PAX2: variants seen among roughly 807,000 people sequenced by gnomAD.
PAX2 encodes paired box 2, also known as paired box protein Pax-2.
In PAX2, 9 loss-of-function variants were observed where a neutral mutation model predicts 41.7. That is an observed-to-expected ratio of 0.22 (90% CI 0.13 to 0.38). The LOEUF (loss-of-function observed/expected upper bound fraction) is 0.38, where lower values mean the gene tolerates loss of function less well. Among genes scored for constraint, PAX2 ranks in the 10% least tolerant of loss-of-function variants. The pLI is 1.00. For synonymous variants in PAX2, 221 were observed against 212.7 expected (o/e 1.04, Z -0.34); for missense variants, 418 against 531.6 (o/e 0.79, Z 2.10).
At chr10:100,779,406 C>T in intron 3 of PAX2, 92 bp from the exon 4 acceptor site, 3 of 1,069,490 alleles carry the variant, frequency 2.8e-6, no homozygotes, top group Non-Finnish European at 2.8e-6. Flanking sequence ...CGCTGAGGAA[C>T]TTGGGAGAGA....
At position 100,749,741 on chromosome 10, in the gene PAX2, C is replaced by T; in HGVS notation, c.44-5C>T. ...GTGTTGTGTTTTTTTCTTGTCTCTC[C>T]CCAGCAGGGCACGGGGGTGTGAACC... is the stretch of plus-strand genomic sequence containing the variant. On this transcript the variant is annotated splice_region_variant and splice_polypyrimidine_tract_variant and intron_variant, in intron 1 of 9. Coordinates refer to ENST00000355243, the MANE Select transcript of PAX2 (RefSeq NM_000278.5). The T allele has an allele frequency of 6.2e-7, 1 of 1,608,466 alleles. No individual in the cohort carries two copies. The highest frequency in any genetic ancestry group is 8.5e-7 in the Non-Finnish European group (1 of 1,176,318).
At chr10:100,796,117 T>C (rs1488242621) in intron 5 of PAX2, among the ~76,000 whole-genome samples, 1 of 152,216 alleles carries the variant, frequency 6.6e-6, no homozygotes, top group Non-Finnish European at 1.5e-5. Context: ...GGAAAAAAAG[T>C]GACTTCTATG....
chr10:100,755,424 G>A (rs747159770), intron 3 of PAX2, among the ~76,000 whole-genome samples: 26 of 152,168 alleles, frequency 1.7e-4, no homozygotes, highest in African/African-American at 2.4e-4. Flanking sequence ...AGAAGGTGAC[G>A]CAAAGAAGAA....
intron 3 of PAX2, among the ~76,000 whole-genome samples, chr10:100,774,608 T>TAGGG (rs1238266618): frequency 2.0e-5 from 3 of 152,136 alleles, no homozygotes. Context: ...CACCCGGGCC[T>TAGGG]AGGGGTCACC....
chr10:100,747,691 T>C (rs1845246686), intron 1 of PAX2: 4 of 984,856 alleles, frequency 4.1e-6, no homozygotes, highest in Non-Finnish European at 4.8e-6. Context: ...AAAATACTTC[T>C]GGGATAAAAT....
intron 7 of PAX2, among the ~76,000 whole-genome samples, chr10:100,813,416 G>C (rs941957762): frequency 2.6e-5 from 4 of 152,196 alleles, no homozygotes; most frequent in Non-Finnish European, 5.9e-5. Context: ...AGAAATAGAG[G>C]GGAACTCAAA....
intron 3 of PAX2, among the ~76,000 whole-genome samples, chr10:100,761,965 A>G (rs1331310924): frequency 6.6e-6 from 1 of 152,202 alleles, no homozygotes; most frequent in Non-Finnish European, 1.5e-5. Flanking sequence ...ACCAACTCAC[A>G]TCTCTAGGGG....
chr10:100,780,759 A>T (rs571331184), intron 4 of PAX2, among the ~76,000 whole-genome samples: 1 of 152,296 alleles, frequency 6.6e-6, no homozygotes, highest in Admixed American at 6.5e-5. Flanking sequence ...CTAAATCAGG[A>T]TTGGTAAAGA....
rs898197151 is a variant in PAX2 at position 100,829,322 on chromosome 10, G to C, written c.*1703G>C. On this transcript the variant is annotated 3_prime_UTR_variant, in exon 10 of 10. Transcript: ENST00000355243. ...GTCTGTCTGTCTCTGCTCTTTCCTC[G>C]GCCTCTCTCCCCAGACCTGGCCCGG... is the stretch of plus-strand genomic sequence containing the variant. The C allele has an allele frequency of 8.9e-6, 2 of 224,338 alleles. No homozygotes were observed. Among genetic ancestry groups the C allele is most frequent in the Non-Finnish European group, 1.8e-5 (2 of 112,854 alleles). The allele number at this position is 224,338 out of a possible 1,614,324, so 13.9% of individuals were successfully genotyped here.
chr10:100,821,988 T>C (rs1360165967), intron 7 of PAX2, among the ~76,000 whole-genome samples: 2 of 152,184 alleles, frequency 1.3e-5, no homozygotes, highest in Admixed American at 1.3e-4. Flanking sequence ...TCTCTAGGAA[T>C]TGATTTTGAT....
Position 100,827,693 on chromosome 10 carries a change from G to T in PAX2, c.*74G>T. The stretch of plus-strand genomic sequence containing the variant: ...CATCGTCCCCGTCTGACCCCACCCC[G>T]GAGGGAGGGAGGACCGACGCGACGC... On this transcript the variant is annotated 3_prime_UTR_variant, in exon 10 of 10. Coordinates refer to ENST00000355243, the MANE Select transcript of PAX2 (RefSeq NM_000278.5). The surrounding 1 kb of genome is among the most constrained non-coding windows in gnomAD (Gnocchi z 8.5). The T allele has an allele frequency of 6.2e-7, 1 of 1,611,824 alleles. No individual in the cohort carries two copies. The highest frequency in any genetic ancestry group is 8.5e-7 in the Non-Finnish European group (1 of 1,179,130).
At chr10:100,740,253 C>T (rs1042414939) in intron 1 of PAX2, among the ~76,000 whole-genome samples, 5 of 152,090 alleles carry the variant, frequency 3.3e-5, no homozygotes, top group Non-Finnish European at 7.4e-5. Flanking sequence ...ACAATTAACC[C>T]GGCTGTTGGT....
At chr10:100,773,486 A>G (rs1846281812) in intron 3 of PAX2, among the ~76,000 whole-genome samples, 1 of 152,206 alleles carries the variant, frequency 6.6e-6, no homozygotes, top group African/African-American at 2.4e-5. Context: ...ATAATATCAT[A>G]CATAACATAA....
intron 3 of PAX2, among the ~76,000 whole-genome samples, chr10:100,765,137 A>C (rs1245659607): frequency 1.3e-5 from 2 of 152,200 alleles, no homozygotes; most frequent in African/African-American, 4.8e-5. Context: ...TTTAAGAAAA[A>C]AATTTCAGGA....
intron 1 of PAX2, chr10:100,735,809 G>A: frequency 1.1e-6 from 1 of 927,150 alleles, no homozygotes. Context: ...TGGCCGGGGC[G>A]GGCTCCTCTC....
intron 5 of PAX2, among the ~76,000 whole-genome samples, chr10:100,790,552 G>A (rs999771234): frequency 1.3e-5 from 2 of 152,238 alleles, no homozygotes; most frequent in Non-Finnish European, 2.9e-5. Context: ...GGAAGGAGGA[G>A]ATGAGCGCCG....
upstream of PAX2, among the ~76,000 whole-genome samples, chr10:100,744,464 G>A (rs946861009): frequency 3.9e-5 from 6 of 152,268 alleles, no homozygotes; most frequent in African/African-American, 1.4e-4. Flanking sequence ...CCTGGTGCGT[G>A]CGAGCGGACC....
At chr10:100,811,803 G>A (rs876670) in intron 7 of PAX2, among the ~76,000 whole-genome samples, 60,186 of 152,018 alleles carry the variant, frequency 0.4, 15,962 homozygotes, top group African/African-American at 0.76. Flanking sequence ...TAGGAGTGCC[G>A]AGGTGTTCAA....
At chr10:100,739,357 C>G (rs1844874265) in intron 1 of PAX2, among the ~76,000 whole-genome samples, 1 of 152,248 alleles carries the variant, frequency 6.6e-6, no homozygotes, top group Non-Finnish European at 1.5e-5. Context: ...TGGCGGGTCC[C>G]CCTGCCTTAC....
Sources: allele counts gnomAD v4.1 joint callset (sites outside exome capture counted in the v4.1 genomes callset), GRCh38; gene constraint gnomAD v4.1.1; non-coding constraint Gnocchi (gnomAD v3.1); transcripts MANE v1.5; gene names NCBI Gene and HGNC (gene_info 2026-07-23, HGNC 2026-07-21).